SLC39A10: variants seen among roughly 807,000 people sequenced by gnomAD.
The protein encoded by SLC39A10 is zinc transporter ZIP10.
A neutral mutation model predicts 65.1 loss-of-function variants in SLC39A10; 13 were observed. The observed-to-expected ratio is 0.20, with a 90% CI of 0.13 to 0.32. The LOEUF (loss-of-function observed/expected upper bound fraction) is 0.32. Ranked by LOEUF, SLC39A10 falls within the 10% of genes least tolerant of loss-of-function variation. The pLI is 1.00. For synonymous variants in SLC39A10, 321 were observed against 342.2 expected (o/e 0.94, Z 0.68); for missense variants, 831 against 1,018.4 (o/e 0.82, Z 2.50).
At chr2:195,629,373 G>A (rs1042236780) in intron 2 of SLC39A10, among the ~76,000 whole-genome samples, 5 of 142,888 alleles carry the variant, frequency 3.5e-5, no homozygotes, top group Non-Finnish European at 6.0e-5. Context: ...CAGCCTGGAC[G>A]ACAGAGCGAG....
At position 195,632,169 on chromosome 2, in the gene SLC39A10, A is replaced by G. The variant is rs535927702; in HGVS notation, c.-12+25936A>G. ...CGGCCTCCCAAAGATCTGGGATTAT[A>G]AGCATGAGCCACCACACCCATCATC... On this transcript the variant is annotated intron_variant, in intron 2 of 2. Coordinates refer to the SLC39A10 transcript ENST00000458054. 4.6e-5 allele frequency among the ~76,000 whole-genome samples: 7 copies of G among 151,648 alleles called. No individual in the cohort carries two copies. In the South Asian group the frequency reaches 6.3e-4, roughly 14 times the overall value.
At chr2:195,678,655 T>G (rs951981955) in intron 1 of SLC39A10, among the ~76,000 whole-genome samples, 3 of 151,862 alleles carry the variant, frequency 2.0e-5, no homozygotes, top group African/African-American at 4.8e-5. Flanking sequence ...CTCGAAGGTC[T>G]TAAAATTAGT....
intron 2 of SLC39A10, among the ~76,000 whole-genome samples, chr2:195,627,776 G>A (rs542638737): frequency 6.6e-6 from 1 of 152,302 alleles, no homozygotes; most frequent in East Asian, 1.9e-4. Flanking sequence ...GCTGCATTGA[G>A]AATCTCTAAA....
At chr2:195,724,258 A>G (rs896828447) in intron 8 of SLC39A10, among the ~76,000 whole-genome samples, 1 of 152,214 alleles carries the variant, frequency 6.6e-6, no homozygotes, top group Non-Finnish European at 1.5e-5. Context: ...CATTGTGCTA[A>G]TGATATCCCT....
At chr2:195,713,965 C>T (rs1185828510) in intron 6 of SLC39A10, among the ~76,000 whole-genome samples, 3 of 151,550 alleles carry the variant, frequency 2.0e-5, no homozygotes, top group Admixed American at 6.6e-5. Context: ...CTCACTCTGT[C>T]GCCCAGGCTG....
chr2:195,714,524 T>G (rs905573560), intron 6 of SLC39A10, among the ~76,000 whole-genome samples: 1 of 152,192 alleles, frequency 6.6e-6, no homozygotes, highest in Non-Finnish European at 1.5e-5. Context: ...TAAAGAATGT[T>G]GAATTTATAG....
rs753107974 is a variant in SLC39A10, at chr2:195,706,634, T to C, written c.1235T>C (p.Ile412Thr). ...TCTACAGCCTGGATTTGTGGTATCA[T>C]TTCTATCACTGTCATTAGCCTGCTT... is the stretch of plus-strand genomic sequence containing the variant. Reference protein sequence around the residue: ...IGASAWICGIISITVISLLSL... With the variant: ...IGASAWICGITSITVISLLSL... Residue 412 changes from isoleucine (I) to threonine (T), a missense_variant, in exon 4 of 10, where the codon ATT becomes ACT. Around this residue, in one of 4 missense-constraint regions of SLC39A10, gnomAD observed 35 missense variants for 72.4 expected, o/e 0.48. Transcript: ENST00000359634. 1 of 1,612,306 alleles carries C rather than the reference T, an allele frequency of 6.2e-7. No homozygotes were observed. Among genetic ancestry groups the C allele is most frequent in the Non-Finnish European group, 8.5e-7 (1 of 1,179,148 alleles).
intron 1 of SLC39A10, among the ~76,000 whole-genome samples, chr2:195,664,473 T>C (rs1451725242): frequency 6.6e-6 from 1 of 152,056 alleles, no homozygotes; most frequent in Non-Finnish European, 1.5e-5. Flanking sequence ...TTTCATTGCA[T>C]GTACATGAAA....
intron 2 of SLC39A10, among the ~76,000 whole-genome samples, chr2:195,644,308 A>G (rs1306144937): frequency 6.6e-6 from 1 of 151,714 alleles, no homozygotes; most frequent in Non-Finnish European, 1.5e-5. Context: ...ACCAGCCTGA[A>G]CAACATAGCA....
At chr2:195,724,492 TCACTTGATAC>T (rs1692165000) in intron 8 of SLC39A10, among the ~76,000 whole-genome samples, 2 of 152,164 alleles carry the variant, frequency 1.3e-5, no homozygotes, top group Non-Finnish European at 2.9e-5. Flanking sequence ...ATGAAATAAT[TCACTTGATAC>T]AAAGATAAGT....
rs115420612 is a variant in SLC39A10 at position 195,614,046 on chromosome 2, T to C, written c.-12+7813T>C. ...GCTGTTGACAGTCTCTAGTCTCTAG[T>C]TGGATGGATGAGCTGCTCTGAGTCA... On this transcript the variant is annotated intron_variant, in intron 2 of 2. Transcript: ENST00000458054. 7.8e-3 allele frequency among the ~76,000 whole-genome samples: 1,195 copies of C among 152,336 alleles called. 15 individuals carry two copies. Among genetic ancestry groups the C allele is most frequent in the African/African-American group, 0.026 (1,085 of 41,584 alleles).
rs1462287 is a variant in SLC39A10, at chr2:195,713,073, A to C, written c.1576-360A>C. 4.9e-3 allele frequency among the ~76,000 whole-genome samples: 749 copies of C among 152,350 alleles called. 2 individuals carry two copies. Among genetic ancestry groups the C allele is most frequent in the African/African-American group, 0.017 (695 of 41,594 alleles). On this transcript the variant is annotated intron_variant, in intron 5 of 9. Coordinates refer to ENST00000359634, the MANE Select transcript of SLC39A10 (RefSeq NM_020342.3). Reference sequence around the variant, plus strand: ...ATTGCATTAAATGTGAATGAAATTCAAACAAGCTTTAGTTTTTTGGAACTT... The same window carrying C: ...ATTGCATTAAATGTGAATGAAATTCCAACAAGCTTTAGTTTTTTGGAACTT...
chr2:195,654,965 A>T (rs1256220035), upstream of SLC39A10, among the ~76,000 whole-genome samples: 2 of 152,246 alleles, frequency 1.3e-5, no homozygotes, highest in Non-Finnish European at 2.9e-5. Flanking sequence ...TACACTTGAA[A>T]GTAAATAAAT....
chr2:195,696,425 T>C (rs1440472698), intron 3 of SLC39A10, among the ~76,000 whole-genome samples: 1 of 151,970 alleles, frequency 6.6e-6, no homozygotes, highest in Non-Finnish European at 1.5e-5. Context: ...CCACCCTTAA[T>C]ATCTGTGAGT....
chr2:195,718,448 G>A (rs1244069593), intron 8 of SLC39A10, 116 bp downstream of exon 8: 4 of 642,154 alleles, frequency 6.2e-6, no homozygotes, highest in African/African-American at 5.4e-5. Flanking sequence ...GGCAACTATA[G>A]TGTCACTAAT....
chr2:195,617,700 GTTTCT>G (rs58481026), intron 2 of SLC39A10, among the ~76,000 whole-genome samples: 1,104 of 97,570 alleles, frequency 0.011, 19 homozygotes, highest in African/African-American at 0.031. Context: ...GTGAGACCTT[GTTTCT>G]TTTCTTTTCT....
intron 1 of SLC39A10, among the ~76,000 whole-genome samples, chr2:195,664,356 A>G (rs1689547600): frequency 6.6e-6 from 1 of 151,438 alleles, no homozygotes; most frequent in East Asian, 2.1e-4. Context: ...TTTTAATTAT[A>G]GCTTTTCTTT....
At chr2:195,640,411 A>C (rs1011684860) in intron 2 of SLC39A10, among the ~76,000 whole-genome samples, 3 of 151,972 alleles carry the variant, frequency 2.0e-5, no homozygotes, top group Non-Finnish European at 4.4e-5. Context: ...ACCACTAAAA[A>C]TTTATATCTG....
At chr2:195,685,382 T>C (rs537858233) in intron 3 of SLC39A10, among the ~76,000 whole-genome samples, 27 of 152,336 alleles carry the variant, frequency 1.8e-4, no homozygotes, top group Admixed American at 9.8e-4. Context: ...GTGCTAGTTA[T>C]ATTTTTTTCT....
Sources: allele counts gnomAD v4.1 joint callset (sites outside exome capture counted in the v4.1 genomes callset), GRCh38; gene constraint gnomAD v4.1.1; regional missense constraint gnomAD v4.1.1; transcripts MANE v1.5; gene names NCBI Gene and HGNC (gene_info 2026-07-23, HGNC 2026-07-21).